TRAF7: variants seen among roughly 807,000 people sequenced by gnomAD.
TRAF7 encodes the protein E3 ubiquitin-protein ligase TRAF7.
TRAF7 carries 45 observed loss-of-function variants against 89.3 expected under a neutral mutation model. That is an observed-to-expected ratio of 0.50 (90% confidence interval 0.40 to 0.65). The LOEUF (loss-of-function observed/expected upper bound fraction) is 0.65. Among genes scored for constraint, TRAF7 ranks in the 30% least tolerant of loss-of-function variants. The pLI is 0.00. For missense variants in TRAF7, 677 were observed against 918.1 expected (o/e 0.74, Z 3.39); for synonymous variants, 406 against 369.2 (o/e 1.10, Z -1.14).
rs1177765634 is a variant in TRAF7, at chr16:2,161,021, C to CGAGGT, written c.-38-2860_-38-2856dup. On this transcript the variant is annotated intron_variant, in intron 1 of 20. Transcript: ENST00000326181. The surrounding 1 kb of genome is among the most constrained non-coding windows in gnomAD (Gnocchi z 5.2). Reference sequence around the variant, plus strand: ...AGGCCTCGGGCATCTTGCTCAATTCCGAGGTGCGGGGATGGATCCTGCCTT... The same window carrying CGAGGT: ...AGGCCTCGGGCATCTTGCTCAATTCCGAGGTGAGGTGCGGGGATGGATCCTGCCTT... Among the ~76,000 whole-genome samples, 1 of 152,064 alleles carries CGAGGT rather than the reference C, an allele frequency of 6.6e-6. No individual in the cohort carries two copies. Among genetic ancestry groups the CGAGGT allele is most frequent in the Non-Finnish European group, 1.5e-5 (1 of 67,974 alleles).
rs1388444247 is a variant in TRAF7, at chr16:2,159,426, C to T, written c.-39+3568C>T. Reference sequence around the variant, plus strand: ...CAGGAGCCTTCGACGTCACACCCTGCCTATTTGGGATGGAAAAAACGTTCT... The same window carrying T: ...CAGGAGCCTTCGACGTCACACCCTGTCTATTTGGGATGGAAAAAACGTTCT... On this transcript the variant is annotated intron_variant, in intron 1 of 20. Transcript: ENST00000326181. This position sits in a 1 kb window ranked among gnomAD's most constrained non-coding sequence, Gnocchi z 6.5. Among the ~76,000 whole-genome samples, 2 of 152,206 alleles carry T rather than the reference C, an allele frequency of 1.3e-5. No individual in the cohort carries two copies. The highest frequency in any genetic ancestry group is 1.3e-4 in the Admixed American group (2 of 15,286).
At position 2,174,063 on chromosome 16, in the gene TRAF7, A is replaced by T; in HGVS notation, c.1263+15A>T. ...AGACCATCAAGGTGGGCAGGGTCCT[A>T]CCTCAGTCTCTGCAGCCTGGCTGGG... On this transcript the variant is annotated intron_variant, in intron 13 of 20. Coordinates refer to ENST00000326181, the MANE Select transcript of TRAF7 (RefSeq NM_032271.3). 1.2e-6 allele frequency: 2 copies of T among 1,612,004 alleles called. No individual in the cohort carries two copies. The highest frequency in any genetic ancestry group is 1.7e-6 in the Non-Finnish European group (2 of 1,179,932).
At chr16:2,164,165 CGCGCGCGCGCGCGCGCACGCGT>C (rs754300648) in intron 2 of TRAF7, among the ~76,000 whole-genome samples, 164 bp downstream of exon 2, 21 of 88,550 alleles carry the variant, frequency 2.4e-4, no homozygotes, top group African/African-American at 5.1e-4. Context: ...TGTGTGCGCG[CGCGCGCGCGCGCGCGCACGCGT>C]GCGTGTGTGG....
chr16:2,165,480 G>T (rs1478713343), intron 2 of TRAF7, among the ~76,000 whole-genome samples: 9 of 119,914 alleles, frequency 7.5e-5, no homozygotes, highest in African/African-American at 2.5e-4. Flanking sequence ...TTAAGCGTGT[G>T]AGTGCTGTGT....
At chr16:2,157,959 TC>T (rs1388856827) in intron 1 of TRAF7, among the ~76,000 whole-genome samples, 2 of 152,100 alleles carry the variant, frequency 1.3e-5, no homozygotes, top group African/African-American at 2.4e-5. Context: ...TTCTCTCGGC[TC>T]CTTCCAGACA....
chr16:2,165,323 G>A (rs2093080288), intron 2 of TRAF7, among the ~76,000 whole-genome samples: 1 of 138,098 alleles, frequency 7.2e-6, no homozygotes, highest in Non-Finnish European at 1.5e-5. Context: ...TGTGAGTGCT[G>A]TGTGGCGCGG....
At chr16:2,164,439 G>A (rs1271870695) in intron 2 of TRAF7, among the ~76,000 whole-genome samples, 20 of 142,138 alleles carry the variant, frequency 1.4e-4, no homozygotes, top group Admixed American at 1.0e-3. Context: ...TGGCCTGGTC[G>A]CATGGTTAAG....
rs148498479 is a variant in TRAF7 at position 2,156,742 on chromosome 16, G to A, written c.-39+884G>A. ...CAGGGTGCATGGTGGGGTGGGGCGG[G>A]GGGGTTATTATGCTGGCAAATGACT... On this transcript the variant is annotated intron_variant, in intron 1 of 20. Coordinates refer to ENST00000326181, the MANE Select transcript of TRAF7 (RefSeq NM_032271.3). Among the ~76,000 whole-genome samples, 951 of 152,152 alleles carry A rather than the reference G, an allele frequency of 6.3e-3. 10 individuals carry two copies. Among genetic ancestry groups the A allele is most frequent in the African/African-American group, 0.021 (888 of 41,466 alleles).
chr16:2,171,287 GC>G lies in TRAF7; in HGVS notation c.375del (p.Ser126ArgfsTer2). On this transcript the variant is annotated frameshift_variant, in exon 6 of 21. Transcript: ENST00000326181. LOFTEE classifies it high-confidence loss of function. ...AGGAGCCACTGGTGTTTGCGGAGCAGCCCTCGGTGAAGCTGTGCTGTCAGCT... is the reference window on the plus strand; with the variant it reads ...AGGAGCCACTGGTGTTTGCGGAGCAGCCTCGGTGAAGCTGTGCTGTCAGCT... ...EPEPLVFAEQ[P>X]SVKLCCQLCC... 6.4e-7 allele frequency: 1 copy of G among 1,553,558 alleles called. No individual in the cohort carries two copies. Among genetic ancestry groups the G allele is most frequent in the Non-Finnish European group, 8.7e-7 (1 of 1,149,452 alleles).
At chr16:2,166,469 C>T (rs570763802) in intron 3 of TRAF7, among the ~76,000 whole-genome samples, 15 of 152,226 alleles carry the variant, frequency 9.9e-5, no homozygotes, top group South Asian at 8.3e-4. Flanking sequence ...AATGCAGTGG[C>T]GCAATCTTGG....
At chr16:2,165,003 TG>T (rs2093077595) in intron 2 of TRAF7, among the ~76,000 whole-genome samples, 1 of 89,080 alleles carries the variant, frequency 1.1e-5, no homozygotes, top group Non-Finnish European at 2.0e-5. Context: ...CTGCGTGGCC[TG>T]GCCTGGTCGC....
At position 2,164,001 on chromosome 16, in the gene TRAF7, G is replaced by A; in HGVS notation, c.81G>A (p.Gly27=). Residue 27 remains glycine, a splice_region_variant and synonymous_variant, in exon 2 of 21, where the codon GGG becomes GGA. Transcript: ENST00000326181. ...SNLPTPDVTT[G]TRMETTFGPA... ...TTCCCACCCCAGACGTCACCACAGG[G>A]GTAAGGGTGTGCCCCTCTGCAAGCC... 1 of 1,609,992 alleles carries A rather than the reference G, an allele frequency of 6.2e-7. No homozygotes were observed. Among genetic ancestry groups the A allele is most frequent in the Non-Finnish European group, 8.5e-7 (1 of 1,178,498 alleles).
intron 3 of TRAF7, among the ~76,000 whole-genome samples, chr16:2,166,548 GCAC>G (rs1460818045): frequency 6.6e-6 from 1 of 152,130 alleles, no homozygotes; most frequent in Non-Finnish European, 1.5e-5. Context: ...GGGACCACAG[GCAC>G]CACCACACCT....
At chr16:2,173,576 G>C (rs368420897) in intron 11 of TRAF7, 22 bp downstream of exon 11, 17 of 1,610,410 alleles carry the variant, frequency 1.1e-5, no homozygotes, top group East Asian at 2.2e-5. Flanking sequence ...GGGCTGGAGG[G>C]GCTGGGTTGT....
Position 2,177,594 on chromosome 16 carries a change from C to G in TRAF7, c.*1020C>G, listed in dbSNP as rs558063421. On this transcript the variant is annotated 3_prime_UTR_variant, in exon 21 of 21. Transcript: ENST00000326181. Reference sequence around the variant, plus strand: ...ATGAGCAGAAGCGTCCGTGGGAACTCCACTGGGGTGGATGGGCTGCCTGCA... The same window carrying G: ...ATGAGCAGAAGCGTCCGTGGGAACTGCACTGGGGTGGATGGGCTGCCTGCA... 1 of 237,562 alleles carries G rather than the reference C, an allele frequency of 4.2e-6. No homozygotes were observed. Among genetic ancestry groups the G allele is most frequent in the South Asian group, 1.6e-4 (1 of 6,246 alleles). The allele number at this position is 237,562 out of a possible 1,614,324, so 14.7% of individuals were successfully genotyped here. A position where few individuals can be genotyped will look rare whatever the true frequency, so the allele number is the denominator to read the frequency against.
Position 2,163,859 on chromosome 16 carries a change from C to A in TRAF7, c.-38-24C>A. ...GGGGCCTGGGCTCCATCTCTCAAGC[C>A]CCTCATTTGTGCTCCACCCACAGGA... On this transcript the variant is annotated intron_variant, in intron 1 of 20. Coordinates refer to ENST00000326181, the MANE Select transcript of TRAF7 (RefSeq NM_032271.3). The surrounding 1 kb of genome is among the most constrained non-coding windows in gnomAD (Gnocchi z 4.3). 6.9e-7 allele frequency: 1 copy of A among 1,454,856 alleles called. No homozygotes were observed. The highest frequency in any genetic ancestry group is 9.5e-7 in the Non-Finnish European group (1 of 1,047,610). The allele number at this position is 1,454,856 out of a possible 1,614,324, so 90.1% of individuals were successfully genotyped here. A position where few individuals can be genotyped will look rare whatever the true frequency, so the allele number is the denominator to read the frequency against.
At chr16:2,164,062 C>G in intron 2 of TRAF7, 61 bp downstream of exon 2, 1 of 1,466,560 alleles carries the variant, frequency 6.8e-7, no homozygotes, top group Non-Finnish European at 9.3e-7. Context: ...CCCCAGGGAT[C>G]TGGTGTTGCC....
chr16:2,177,513 C>T lies in TRAF7; in HGVS notation c.*939C>T, dbSNP rs888425545. On this transcript the variant is annotated 3_prime_UTR_variant, in exon 21 of 21. Coordinates refer to ENST00000326181, the MANE Select transcript of TRAF7 (RefSeq NM_032271.3). ...ACCAGTCAGTACTTCTTGGAGGGGG[C>T]AGGAGGAGAGAGGAAAAGGGAGGGC... 1.3e-5 allele frequency: 3 copies of T among 233,526 alleles called. No individual in the cohort carries two copies. The highest frequency in any genetic ancestry group is 6.1e-5 in the East Asian group (1 of 16,500). The allele number at this position is 233,526 out of a possible 1,614,324, so 14.5% of individuals were successfully genotyped here.
intron 3 of TRAF7, among the ~76,000 whole-genome samples, chr16:2,167,095 T>A (rs2093089455): frequency 6.6e-6 from 1 of 152,284 alleles, no homozygotes; most frequent in East Asian, 1.9e-4. Context: ...GCCCTCTTTT[T>A]TTTTCTAATC....
Sources: allele counts gnomAD v4.1 joint callset (sites outside exome capture counted in the v4.1 genomes callset), GRCh38; gene constraint gnomAD v4.1.1; non-coding constraint Gnocchi (gnomAD v3.1); transcripts MANE v1.5; gene names NCBI Gene and HGNC (gene_info 2026-07-23, HGNC 2026-07-21).